The following SCAPER variants were observed in gnomAD, a reference collection of about 807,000 sequenced individuals.
SCAPER encodes the protein S-phase cyclin A associated protein in the ER.
Under a neutral mutation model 182.2 loss-of-function variants are expected in SCAPER, and 98 were observed. The ratio of observed to expected loss-of-function variants is 0.54; its 90% CI spans 0.46 to 0.64. SCAPER has a LOEUF of 0.64. Ranked by LOEUF, SCAPER falls within the 30% of genes least tolerant of loss-of-function variation. The probability of loss-of-function intolerance (pLI) is 0.00; values close to 1 mark genes in which losing one functional copy is unlikely to be tolerated. For synonymous variants in SCAPER, 605 were observed against 564.6 expected (o/e 1.07, Z -1.01); for missense variants, 1,432 against 1,690.0 (o/e 0.85, Z 2.68).
chr15:76,816,270 A>G (rs1195812281), intron 5 of SCAPER, among the ~76,000 whole-genome samples: 1 of 152,242 alleles, frequency 6.6e-6, no homozygotes, highest in Admixed American at 6.5e-5. Context: ...TGACATTTGT[A>G]GTAACACTTA....
intron 1 of SCAPER, among the ~76,000 whole-genome samples, chr15:76,886,152 T>C (rs2073827127): frequency 6.6e-6 from 1 of 152,178 alleles, no homozygotes; most frequent in African/African-American, 2.4e-5. Context: ...TATAAATTTT[T>C]TAAAAGGATG....
chr15:76,380,812 C>T (rs2042893151), intron 28 of SCAPER: 1 of 152,146 alleles, frequency 6.6e-6, no homozygotes, highest in South Asian at 2.1e-4. Context: ...ATAAAAACTT[C>T]ATAGCTAAAG....
intron 25 of SCAPER, among the ~76,000 whole-genome samples, chr15:76,466,198 G>A (rs1228847844): frequency 6.6e-6 from 1 of 151,822 alleles, no homozygotes; most frequent in East Asian, 1.9e-4. Flanking sequence ...TTTCCATAAT[G>A]TGTATAATGG....
At chr15:76,683,494 C>T (rs2057852625) in intron 20 of SCAPER, among the ~76,000 whole-genome samples, 1 of 151,960 alleles carries the variant, frequency 6.6e-6, no homozygotes, top group African/African-American at 2.4e-5. Context: ...TGAGGGTTAT[C>T]ATCCATGAAA....
At chr15:76,736,299 G>A (rs1056854253) in intron 15 of SCAPER, among the ~76,000 whole-genome samples, 2 of 152,210 alleles carry the variant, frequency 1.3e-5, no homozygotes, top group African/African-American at 4.8e-5. Context: ...TTGCACTGAT[G>A]TTGATGGCTG....
chr15:76,417,238 G>C (rs1449382000), intron 26 of SCAPER, among the ~76,000 whole-genome samples: 1 of 151,412 alleles, frequency 6.6e-6, no homozygotes. Context: ...AAAAAAACAA[G>C]AAACTGTACT....
chr15:76,458,100 C>T (rs1365901806), intron 25 of SCAPER, among the ~76,000 whole-genome samples: 1 of 152,034 alleles, frequency 6.6e-6, no homozygotes, highest in Non-Finnish European at 1.5e-5. Context: ...TGGTCACTGT[C>T]TTCTGGCCTC....
chr15:76,542,026 C>A (rs1333919771), intron 23 of SCAPER, among the ~76,000 whole-genome samples: 1 of 152,052 alleles, frequency 6.6e-6, no homozygotes, highest in Non-Finnish European at 1.5e-5. Flanking sequence ...AAAGCTATTT[C>A]GGAAAAATCT....
chr15:76,684,140 T>C (rs2057895296), intron 20 of SCAPER, among the ~76,000 whole-genome samples: 1 of 152,042 alleles, frequency 6.6e-6, no homozygotes, highest in South Asian at 2.1e-4. Flanking sequence ...CCACCGACAC[T>C]ATAAAGCAGC....
At chr15:76,815,839 GT>G (rs2151612615) in intron 5 of SCAPER, among the ~76,000 whole-genome samples, 1 of 152,264 alleles carries the variant, frequency 6.6e-6, no homozygotes, top group African/African-American at 2.4e-5. Flanking sequence ...TTGAAACATT[GT>G]CTTCCACAAA....
At position 76,765,556 on chromosome 15, in the gene SCAPER, A is replaced by C; in HGVS notation, c.1495+7T>G. The C allele has an allele frequency of 6.2e-7, 1 of 1,600,346 alleles. No homozygotes were observed. ...TACTACACACCCAATATGCATATAC[A>C]CAATACCTTCATAATCTGCAAGGAC... On this transcript the variant is annotated splice_region_variant and intron_variant, in intron 12 of 31. Transcript: ENST00000563290.
At chr15:76,861,824 A>G (rs1417277257) in intron 3 of SCAPER, 1 of 152,192 alleles carries the variant, frequency 6.6e-6, no homozygotes, top group East Asian at 1.9e-4. Flanking sequence ...TTTATAAAGG[A>G]AAGGGCTCTA....
chr15:76,357,150 T>TCACACACACACACACACACA (rs55912416), intron 29 of SCAPER, among the ~76,000 whole-genome samples: 1,603 of 128,904 alleles, frequency 0.012, 21 homozygotes, highest in Admixed American at 0.022. Flanking sequence ...TTTATTGACA[T>TCACACACACACACACACACA]CACACACACA....
intron 17 of SCAPER, among the ~76,000 whole-genome samples, chr15:76,722,017 G>C (rs529390857): frequency 1.3e-5 from 2 of 152,136 alleles, no homozygotes; most frequent in Non-Finnish European, 2.9e-5. Flanking sequence ...TTTTCAAAGG[G>C]AATGCTTCCG....
At chr15:76,416,402 T>C (rs907124824) in intron 26 of SCAPER, among the ~76,000 whole-genome samples, 2 of 151,370 alleles carry the variant, frequency 1.3e-5, no homozygotes, top group Non-Finnish European at 2.9e-5. Flanking sequence ...GGCAGGAGAA[T>C]CACTTGAACC....
intron 5 of SCAPER, 45 bp from the exon 6 acceptor site, chr15:76,804,678 T>A: frequency 7.9e-7 from 1 of 1,270,694 alleles, no homozygotes; most frequent in Non-Finnish European, 1.1e-6. Flanking sequence ...AGTCTGAGAC[T>A]AAAAACTTTG....
chr15:76,504,837 T>C (rs1335114246), intron 24 of SCAPER, 22 bp downstream of exon 24: 5 of 1,554,966 alleles, frequency 3.2e-6, no homozygotes, highest in Admixed American at 2.0e-5. Context: ...ACGTAAAAAA[T>C]AGATTAAGAA....
intron 17 of SCAPER, among the ~76,000 whole-genome samples, chr15:76,727,042 A>C (rs1401905339): frequency 7.2e-6 from 1 of 139,444 alleles, no homozygotes; most frequent in South Asian, 2.7e-4. Flanking sequence ...AGCATACAAA[A>C]ATCCTTTATA....
chr15:76,730,451 T>C (rs1210993085), intron 16 of SCAPER, among the ~76,000 whole-genome samples: 4 of 152,062 alleles, frequency 2.6e-5, no homozygotes, highest in Non-Finnish European at 5.9e-5. Context: ...ATTCATGAAA[T>C]AGTTGTAGCT....
Sources: allele counts gnomAD v4.1 joint callset (sites outside exome capture counted in the v4.1 genomes callset), GRCh38; gene constraint gnomAD v4.1.1; transcripts MANE v1.5; gene names NCBI Gene and HGNC (gene_info 2026-07-23, HGNC 2026-07-21).